GABRG1: variants seen among roughly 807,000 people sequenced by gnomAD.
The protein encoded by GABRG1 is gamma-aminobutyric acid type A receptor subunit gamma1.
A neutral mutation model predicts 49.8 loss-of-function variants in GABRG1; 49 were observed. The ratio of observed to expected loss-of-function variants is 0.98; its 90% CI spans 0.78 to 1.25. The LOEUF is 1.25. GABRG1 is among the 50% of genes most tolerant of loss of function. The probability of loss-of-function intolerance (pLI) is 0.00; values close to 1 mark genes in which losing one functional copy is unlikely to be tolerated. For missense variants in GABRG1, 552 were observed against 552.3 expected (o/e 1.00, Z 0.01); for synonymous variants, 232 against 185.1 (o/e 1.25, Z -2.06).
intron 8 of GABRG1, among the ~76,000 whole-genome samples, chr4:46,045,946 A>G (rs1017054082): frequency 3.3e-5 from 5 of 152,134 alleles, no homozygotes; most frequent in Admixed American, 2.6e-4. Flanking sequence ...CTTTTGTACC[A>G]AAGAGTTATA....
chr4:46,051,209 C>A (rs1225003209), intron 8 of GABRG1, among the ~76,000 whole-genome samples: 1 of 151,616 alleles, frequency 6.6e-6, no homozygotes, highest in African/African-American at 2.4e-5. Context: ...CATAATAAAC[C>A]ACTCTTTACA....
At chr4:46,103,054 G>T (rs1187683152) in intron 1 of GABRG1, among the ~76,000 whole-genome samples, 4 of 151,518 alleles carry the variant, frequency 2.6e-5, no homozygotes, top group Admixed American at 1.3e-4. Flanking sequence ...GGCCTACTTT[G>T]GATGATTAAT....
intron 5 of GABRG1, among the ~76,000 whole-genome samples, chr4:46,059,465 C>T (rs1718586966): frequency 6.6e-6 from 1 of 151,856 alleles, no homozygotes; most frequent in Non-Finnish European, 1.5e-5. Flanking sequence ...TGGCTCACTG[C>T]TAATGTCTGC....
chr4:46,102,505 A>G (rs1326223706), intron 1 of GABRG1, among the ~76,000 whole-genome samples: 1 of 151,502 alleles, frequency 6.6e-6, no homozygotes, highest in Non-Finnish European at 1.5e-5. Flanking sequence ...TGTTACCTGA[A>G]GCCTCTCTTG....
intron 8 of GABRG1, among the ~76,000 whole-genome samples, chr4:46,049,659 C>T (rs1316389230): frequency 6.6e-6 from 1 of 151,910 alleles, no homozygotes; most frequent in Non-Finnish European, 1.5e-5. Context: ...AAAATAGTAA[C>T]TATTCTAGAA....
chr4:46,087,322 A>G (rs935169229), intron 2 of GABRG1, among the ~76,000 whole-genome samples: 1 of 151,722 alleles, frequency 6.6e-6, no homozygotes, highest in Non-Finnish European at 1.5e-5. Flanking sequence ...CCAAGTATTC[A>G]CTGGTAGTAA....
At chr4:46,097,494 A>T (rs537280032) in intron 1 of GABRG1, 145 bp from the exon 2 acceptor site, 6 of 676,486 alleles carry the variant, frequency 8.9e-6, no homozygotes, top group African/African-American at 1.9e-5. Context: ...TAGTAAGACC[A>T]ATACATTTGT....
intron 8 of GABRG1, among the ~76,000 whole-genome samples, chr4:46,047,075 T>C (rs1718026443): frequency 6.6e-6 from 1 of 151,910 alleles, no homozygotes; most frequent in Admixed American, 6.6e-5. Flanking sequence ...GACAATGTTC[T>C]ACATCTACAC....
chr4:46,115,240 G>A (rs1226042974), intron 1 of GABRG1, among the ~76,000 whole-genome samples: 1 of 150,532 alleles, frequency 6.6e-6, no homozygotes, highest in Non-Finnish European at 1.5e-5. Context: ...AATAAATAGT[G>A]AAAACAAAAT....
At chr4:46,065,243 C>T in intron 4 of GABRG1, 121 bp downstream of exon 4, 1 of 594,822 alleles carries the variant, frequency 1.7e-6, no homozygotes, top group Non-Finnish European at 2.9e-6. Flanking sequence ...TATATTTTAG[C>T]ATGTGAAAGG....
At chr4:46,117,467 A>G (rs998506003) in intron 1 of GABRG1, among the ~76,000 whole-genome samples, 4 of 149,970 alleles carry the variant, frequency 2.7e-5, no homozygotes, top group Admixed American at 6.7e-5. Flanking sequence ...AGGTTCACCT[A>G]AAATATATAG....
chr4:46,071,186 C>A (rs533584648), intron 3 of GABRG1, among the ~76,000 whole-genome samples: 26 of 152,024 alleles, frequency 1.7e-4, no homozygotes, highest in African/African-American at 5.8e-4. Context: ...ATGCACAGTG[C>A]ATAGTATTTG....
intron 1 of GABRG1, among the ~76,000 whole-genome samples, chr4:46,118,184 C>T (rs1334739395): frequency 6.9e-6 from 1 of 145,846 alleles, no homozygotes; most frequent in Non-Finnish European, 1.5e-5. Flanking sequence ...TATCCTCAAC[C>T]CCCTAACAGA....
intron 3 of GABRG1, among the ~76,000 whole-genome samples, chr4:46,075,881 T>G (rs1311786486): frequency 2.0e-5 from 3 of 152,032 alleles, no homozygotes; most frequent in South Asian, 2.1e-4. Flanking sequence ...ATATTTCCAT[T>G]TATAAGTGGG....
At chr4:46,122,909 C>A (rs563826829) in intron 1 of GABRG1, among the ~76,000 whole-genome samples, 267 of 151,992 alleles carry the variant, frequency 1.8e-3, no homozygotes, top group African/African-American at 6.2e-3. Flanking sequence ...TCTTAATCAA[C>A]GTATTTTAGC....
At chr4:46,083,575 G>T (rs1202466608) in intron 3 of GABRG1, among the ~76,000 whole-genome samples, 1 of 151,628 alleles carries the variant, frequency 6.6e-6, no homozygotes, top group East Asian at 1.9e-4. Flanking sequence ...TCAAATTGCT[G>T]GAAGTCCCCC....
At chr4:46,084,674 A>G (rs1013615727) in intron 2 of GABRG1, among the ~76,000 whole-genome samples, 5 of 151,712 alleles carry the variant, frequency 3.3e-5, no homozygotes, top group African/African-American at 1.2e-4. Flanking sequence ...TCAAGCAAAA[A>G]TTTTATTATA....
At chr4:46,063,957 T>C (rs564273357) in intron 5 of GABRG1, among the ~76,000 whole-genome samples, 27 of 152,260 alleles carry the variant, frequency 1.8e-4, no homozygotes, top group African/African-American at 6.0e-4. Flanking sequence ...AATCAACTTA[T>C]TTCTACCTTG....
At chr4:46,075,022 C>T (rs999439480) in intron 3 of GABRG1, among the ~76,000 whole-genome samples, 1 of 151,680 alleles carries the variant, frequency 6.6e-6, no homozygotes, top group African/African-American at 2.4e-5. Flanking sequence ...ATTATATTTC[C>T]CAGCTCTAAG....
Sources: gnomAD v4.1 joint callset for allele counts (sites outside exome capture counted in the v4.1 genomes callset) on GRCh38, gnomAD v4.1.1 for gene constraint, MANE v1.5 for transcripts, NCBI Gene and HGNC (gene_info 2026-07-23, HGNC 2026-07-21) for gene names.